Variants in PKD1L3 observed in about 807,000 individuals in gnomAD.
PKD1L3 encodes polycystin-1-like protein 3.
A neutral mutation model predicts 184.1 loss-of-function variants in PKD1L3; 239 were observed. The observed-to-expected ratio is 1.30, with a 90% CI of 1.17 to 1.45. PKD1L3 has a LOEUF of 1.45. Among genes scored for constraint, PKD1L3 ranks in the 40% most tolerant of loss-of-function variants. The probability of loss-of-function intolerance (pLI) is 0.00; values close to 1 mark genes in which losing one functional copy is unlikely to be tolerated. For synonymous variants in PKD1L3, 996 were observed against 778.8 expected (o/e 1.28, Z -4.64); for missense variants, 2,660 against 2,067.2 (o/e 1.29, Z -5.56).
chr16:71,954,387 C>T (rs1305776344), intron 16 of PKD1L3, 86 bp from the exon 17 acceptor site: 9 of 1,053,218 alleles, frequency 8.5e-6, no homozygotes, highest in South Asian at 3.5e-5. Flanking sequence ...CAGCAACAAG[C>T]GACATAGCAA....
intron 11 of PKD1L3, among the ~76,000 whole-genome samples, chr16:71,975,115 G>C (rs1476191848): frequency 3.3e-5 from 5 of 152,068 alleles, no homozygotes; most frequent in Non-Finnish European, 7.4e-5. Flanking sequence ...GAGTGCAGTG[G>C]TATCATCGAA....
chr16:71,956,930 C>G (rs2039071826), intron 16 of PKD1L3, among the ~76,000 whole-genome samples: 1 of 152,114 alleles, frequency 6.6e-6, no homozygotes, highest in South Asian at 2.1e-4. Flanking sequence ...GATTAAGAAT[C>G]TATATGATGG....
chr16:71,998,631 A>G (rs965663962), intron 1 of PKD1L3, among the ~76,000 whole-genome samples: 1 of 152,010 alleles, frequency 6.6e-6, no homozygotes, highest in Non-Finnish European at 1.5e-5. Context: ...TTGTATTTTT[A>G]GTAGAGATGG....
At chr16:71,987,905 G>C (rs563249800) in intron 4 of PKD1L3, among the ~76,000 whole-genome samples, 2 of 152,290 alleles carry the variant, frequency 1.3e-5, no homozygotes, top group South Asian at 4.1e-4. Flanking sequence ...CCCACAGCCA[G>C]CTAGCTCTGA....
intron 16 of PKD1L3, among the ~76,000 whole-genome samples, chr16:71,960,617 G>A (rs1367178395): frequency 1.3e-5 from 2 of 151,992 alleles, no homozygotes; most frequent in East Asian, 1.9e-4. Context: ...TATAAAATAT[G>A]TCTATACGGT....
chr16:71,961,815 A>T (rs1240721273), intron 16 of PKD1L3, among the ~76,000 whole-genome samples: 3 of 152,212 alleles, frequency 2.0e-5, no homozygotes, highest in African/African-American at 7.2e-5. Context: ...GTAATTTCTT[A>T]TATGCCGCAA....
chr16:71,967,763 C>A lies in PKD1L3; in HGVS notation c.2286+143G>T, dbSNP rs2039556564. 4.2e-6 allele frequency: 3 copies of A among 717,524 alleles called. No individual in the cohort carries two copies. In the Admixed American group the frequency reaches 9.0e-5, roughly 22 times the overall value. The allele number at this position is 717,524 out of a possible 1,614,324, so 44.4% of individuals were successfully genotyped here. ...TACAGGCGTGAACCCCCATGTGCGG[C>A]CCACATGTACAGTTTAGAACTAGAA... On this transcript the variant is annotated intron_variant, in intron 14 of 29. Coordinates refer to ENST00000620267, the MANE Select transcript of PKD1L3 (RefSeq NM_181536.2).
intron 12 of PKD1L3, 104 bp from the exon 13 acceptor site, chr16:71,970,209 TTC>T (rs1230404140): frequency 1.4e-5 from 12 of 884,848 alleles, no homozygotes; most frequent in African/African-American, 5.0e-5. Context: ...AGGTATCTGG[TTC>T]TCTCATTCAC....
chr16:71,980,205 G>A, intron 7 of PKD1L3, 71 bp from the exon 8 acceptor site: 2 of 1,490,256 alleles, frequency 1.3e-6, no homozygotes, highest in Non-Finnish European at 9.1e-7. Flanking sequence ...TAATGTTTTG[G>A]AGAAGATTGG....
At chr16:71,965,454 C>A (rs2039465553) in intron 15 of PKD1L3, among the ~76,000 whole-genome samples, 1 of 151,968 alleles carries the variant, frequency 6.6e-6, no homozygotes, top group Non-Finnish European at 1.5e-5. Flanking sequence ...AAGAAACTGG[C>A]AAGCTGTTCT....
At chr16:71,941,616 G>C (rs13337118) in intron 24 of PKD1L3, among the ~76,000 whole-genome samples, 47,983 of 133,762 alleles carry the variant, frequency 0.36, 8,756 homozygotes, top group East Asian at 0.67. Flanking sequence ...ATGGAGTCTC[G>C]CTCTGTCACC....
intron 6 of PKD1L3, among the ~76,000 whole-genome samples, chr16:71,983,076 G>A (rs1426706537): frequency 6.6e-6 from 1 of 152,142 alleles, no homozygotes; most frequent in Non-Finnish European, 1.5e-5. Context: ...TTTTTGAGTG[G>A]TGAGTAGACC....
rs1482641848 is a variant in PKD1L3, at chr16:71,947,504, A to G, written c.3706T>C (p.Leu1236=). The part of the protein sequence containing the change: ...KENEQQTKRI[L]ALLAKCSSSV... Reference sequence around the variant, plus strand: ...CTACTTGAGTTACCCAAGAGTGCCAAGATCCTCTTTGTTTGTTGTTCATTC... The same window carrying G: ...CTACTTGAGTTACCCAAGAGTGCCAGGATCCTCTTTGTTTGTTGTTCATTC... Residue 1236 remains leucine (L), a synonymous_variant, in exon 22 of 30, where the codon TTG becomes CTG. Transcript: ENST00000620267. The G allele has an allele frequency of 6.6e-7, 1 of 1,524,240 alleles. No homozygotes were observed. The highest frequency in any genetic ancestry group is 2.0e-5 in the Admixed American group (1 of 50,230). 94.4% of individuals were successfully genotyped at this position (1,524,240 alleles called of 1,614,324 possible).
At chr16:71,998,852 A>G (rs17588429) in intron 1 of PKD1L3, among the ~76,000 whole-genome samples, 5,615 of 152,304 alleles carry the variant, frequency 0.037, 127 homozygotes, top group Non-Finnish European at 0.054. Context: ...TTATTTTTTC[A>G]TATGTGTTCC....
At chr16:71,935,218 G>C (rs1193529715) in intron 26 of PKD1L3, 140 bp downstream of exon 26, 2 of 882,440 alleles carry the variant, frequency 2.3e-6, no homozygotes, top group Non-Finnish European at 3.4e-6. Context: ...CTCTGCTGTG[G>C]ACATGAGTCC....
In PKD1L3 at chr16:71,935,537, G is replaced by A. The variant is rs745449430; in HGVS notation, c.4453-19C>T. The A allele has an allele frequency of 1.9e-6, 3 of 1,549,272 alleles. No individual in the cohort carries two copies. The highest frequency in any genetic ancestry group is 1.2e-5 in the South Asian group (1 of 83,820). Reference sequence around the variant, plus strand: ...GACAACCCTAAACATAGACAGCACAGTCACTGTTGCTTGTCTGAGAGATTA... The same window carrying A: ...GACAACCCTAAACATAGACAGCACAATCACTGTTGCTTGTCTGAGAGATTA... On this transcript the variant is annotated intron_variant, in intron 25 of 29. Transcript: ENST00000620267.
chr16:71,971,569 T>G lies in PKD1L3; in HGVS notation c.1954-1464A>C, dbSNP rs538988574. On this transcript the variant is annotated intron_variant, in intron 12 of 29. Transcript: ENST00000620267. ...AGGAGGTGGGAAATATCCGATGCCTTCTGCAATCAACTGGTCTGTGCTGTG... is the reference window on the plus strand; with the variant it reads ...AGGAGGTGGGAAATATCCGATGCCTGCTGCAATCAACTGGTCTGTGCTGTG... Among the ~76,000 whole-genome samples the G allele has an allele frequency of 1.2e-4, 19 of 152,298 alleles. 2 individuals carry two copies. In the South Asian group the frequency reaches 3.9e-3, roughly 32 times the overall value.
intron 2 of PKD1L3, 123 bp from the exon 3 acceptor site, chr16:71,993,455 G>GT (rs2040669957): frequency 9.5e-6 from 6 of 629,050 alleles, no homozygotes; most frequent in Non-Finnish European, 1.6e-5. Flanking sequence ...TTCCTATCCA[G>GT]TTTTTTAAGG....
At chr16:71,991,170 G>T in intron 3 of PKD1L3, 1 of 196,108 alleles carries the variant, frequency 5.1e-6, no homozygotes. Flanking sequence ...CAGCATGCCT[G>T]TTCTCCAGTG....
Sources: gnomAD v4.1 joint callset for allele counts (sites outside exome capture counted in the v4.1 genomes callset) on GRCh38, gnomAD v4.1.1 for gene constraint, MANE v1.5 for transcripts, NCBI Gene and HGNC (gene_info 2026-07-23, HGNC 2026-07-21) for gene names.